Variants in LPCAT1 observed in about 807,000 individuals in gnomAD.
The protein encoded by LPCAT1 is lysophosphatidylcholine acyltransferase 1.
In LPCAT1, 23 loss-of-function variants were observed where a neutral mutation model predicts 60.9. The observed-to-expected ratio is 0.38, with a 90% CI of 0.27 to 0.53. The LOEUF (loss-of-function observed/expected upper bound fraction) is 0.53, where lower values mean the gene tolerates loss of function less well. Among genes scored for constraint, LPCAT1 ranks in the 20% least tolerant of loss-of-function variants. The probability of loss-of-function intolerance (pLI) is 0.82; values close to 1 mark genes in which losing one functional copy is unlikely to be tolerated. For synonymous variants in LPCAT1, 340 were observed against 301.1 expected (o/e 1.13, Z -1.34); for missense variants, 622 against 723.6 (o/e 0.86, Z 1.61).
rs1734990347 is a variant in LPCAT1 at position 1,477,968 on chromosome 5, C to A, written c.817-482G>T. ...TCTGGCTCTCTGATCTACACTCACC[C>A]CCGTCAGTGCTCCTAGGAGCTCCTG... On this transcript the variant is annotated intron_variant, in intron 8 of 13. Transcript: ENST00000283415. The surrounding 1 kb of genome is among the most constrained non-coding windows in gnomAD (Gnocchi z 6.0). 6.6e-6 allele frequency among the ~76,000 whole-genome samples: 1 copy of A among 152,094 alleles called. No individual in the cohort carries two copies. The highest frequency in any genetic ancestry group is 6.5e-5 in the Admixed American group (1 of 15,278).
Position 1,523,697 on chromosome 5 carries a change from C to T in LPCAT1, c.135+13G>A, listed in dbSNP as rs2126633522. 2 of 1,104,060 alleles carry T rather than the reference C, an allele frequency of 1.8e-6. No individual in the cohort carries two copies. Among genetic ancestry groups the T allele is most frequent in the East Asian group, 5.7e-5 (1 of 17,676 alleles). The allele number at this position is 1,104,060 out of a possible 1,614,324, so 68.4% of individuals were successfully genotyped here. The stretch of plus-strand genomic sequence containing the variant: ...CGCGCCGGCTCCCGGGGCCGCGCGC[C>T]CTGGGCACCCACCTGGGCCTTCTGC... On this transcript the variant is annotated intron_variant, in intron 1 of 13. Transcript: ENST00000283415. The surrounding 1 kb of genome is among the most constrained non-coding windows in gnomAD (Gnocchi z 7.1).
rs779218382 is a variant in LPCAT1 at position 1,494,887 on chromosome 5, G to T, written c.306C>A (p.Ile102=). 2.6e-5 allele frequency: 42 copies of T among 1,612,218 alleles called. No homozygotes were observed. Among genetic ancestry groups the T allele is most frequent in the Non-Finnish European group, 3.6e-5 (42 of 1,179,126 alleles). Residue 102 remains isoleucine (I), a synonymous_variant, in exon 3 of 14, where the codon ATC becomes ATA. Coordinates refer to ENST00000283415, the MANE Select transcript of LPCAT1 (RefSeq NM_024830.5). ...CGCCGGCGAACCACATGGTGCGCAT[G>T]ATGGCCTTCAGCAGGAAGTCCACAA... The part of the protein sequence containing the change: ...RKVVDFLLKA[I]MRTMWFAGGF...
rs911878463 is a variant in LPCAT1, at chr5:1,483,164, C to T, written c.726+264G>A. Among the ~76,000 whole-genome samples the T allele has an allele frequency of 1.3e-5, 2 of 152,134 alleles. No homozygotes were observed. Among genetic ancestry groups the T allele is most frequent in the Non-Finnish European group, 2.9e-5 (2 of 68,032 alleles). On this transcript the variant is annotated intron_variant, in intron 6 of 13. Coordinates refer to ENST00000283415, the MANE Select transcript of LPCAT1 (RefSeq NM_024830.5). The surrounding 1 kb of genome is among the most constrained non-coding windows in gnomAD (Gnocchi z 9.2). ...GAGCTATGGAAGCAGGGCTCTGGAA[C>T]ACTGGGGACCACTGTGGAATCATGG... is the stretch of plus-strand genomic sequence containing the variant.
intron 1 of LPCAT1, among the ~76,000 whole-genome samples, chr5:1,507,543 T>G (rs923339763): frequency 5.1e-4 from 78 of 152,346 alleles, no homozygotes; most frequent in African/African-American, 1.9e-3. Flanking sequence ...CAGCCGGGCT[T>G]GCTCCAGGTC....
rs746425868 is a variant in LPCAT1, at chr5:1,466,709, C to T, written c.1420+40G>A. On this transcript the variant is annotated intron_variant, in intron 13 of 13. Transcript: ENST00000283415. ...CGCCCCACACTCTGTCCAGCCCCCG[C>T]CCAAGGGTCGCGAGGACGACCCCAC... 5 of 1,588,384 alleles carry T rather than the reference C, an allele frequency of 3.1e-6. 1 individual carries two copies. The South Asian group carries it at 4.5e-5, about 14-fold the overall frequency.
chr5:1,474,413 T>A, intron 10 of LPCAT1, 147 bp downstream of exon 10: 1 of 1,181,704 alleles, frequency 8.5e-7, no homozygotes, highest in Non-Finnish European at 1.2e-6. Context: ...AAAGACACTA[T>A]GTGGGCTTAA....
At chr5:1,474,166 AC>A in intron 10 of LPCAT1, 56 bp from the exon 11 acceptor site, 1 of 1,550,342 alleles carries the variant, frequency 6.5e-7, no homozygotes, top group Non-Finnish European at 8.8e-7. Flanking sequence ...GCATGCTAAC[AC>A]CAGATTTACT....
chr5:1,465,782 T>C (rs939577022), intron 13 of LPCAT1, among the ~76,000 whole-genome samples: 1 of 136,160 alleles, frequency 7.3e-6, no homozygotes, highest in African/African-American at 2.8e-5. Flanking sequence ...ACGGTAAACA[T>C]GCACACTTTC....
rs1371432699 is a variant in LPCAT1 at position 1,480,334 on chromosome 5, T to C, written c.761+608A>G. 10 of 983,962 alleles carry C rather than the reference T, an allele frequency of 1.0e-5. No individual in the cohort carries two copies. The highest frequency in any genetic ancestry group is 1.2e-5 in the Non-Finnish European group (10 of 829,718). 61.0% of individuals were successfully genotyped at this position (983,962 alleles called of 1,614,324 possible). A position where few individuals can be genotyped will look rare whatever the true frequency, so the allele number is the denominator to read the frequency against. On this transcript the variant is annotated intron_variant, in intron 7 of 13. Transcript: ENST00000283415. This position sits in a 1 kb window ranked among gnomAD's most constrained non-coding sequence, Gnocchi z 6.4. ...ACCTGAAAGCACCAGCGGACCCACATCCTCCCAAACGCCTGGAATGGAGCT... is the reference window on the plus strand; with the variant it reads ...ACCTGAAAGCACCAGCGGACCCACACCCTCCCAAACGCCTGGAATGGAGCT...
intron 12 of LPCAT1, among the ~76,000 whole-genome samples, chr5:1,468,054 C>T (rs1256261449): frequency 1.3e-5 from 2 of 152,142 alleles, no homozygotes; most frequent in Non-Finnish European, 2.9e-5. Context: ...GCCTTCACCT[C>T]CACCGGCTCC....
intron 2 of LPCAT1, among the ~76,000 whole-genome samples, chr5:1,498,952 A>C (rs992846578): frequency 1.3e-5 from 2 of 152,136 alleles, no homozygotes; most frequent in Non-Finnish European, 2.9e-5. Flanking sequence ...CCCTCTCTGC[A>C]CACATACACA....
rs1034857131 is a variant in LPCAT1, at chr5:1,483,717, C to A, written c.668-231G>T. Among the ~76,000 whole-genome samples, 18 of 152,260 alleles carry A rather than the reference C, an allele frequency of 1.2e-4. No homozygotes were observed. Among genetic ancestry groups the A allele is most frequent in the African/African-American group, 3.9e-4 (16 of 41,480 alleles). Reference sequence around the variant, plus strand: ...CCAGGGGCGCTCCCCGGCCAAGGAACACTTTCTGTTTTAACATCGCGCACG... The same window carrying A: ...CCAGGGGCGCTCCCCGGCCAAGGAAAACTTTCTGTTTTAACATCGCGCACG... On this transcript the variant is annotated intron_variant, in intron 5 of 13. Transcript: ENST00000283415. This position sits in a 1 kb window ranked among gnomAD's most constrained non-coding sequence, Gnocchi z 9.2.
At chr5:1,509,178 C>T (rs1484204431) in intron 1 of LPCAT1, among the ~76,000 whole-genome samples, 3 of 152,258 alleles carry the variant, frequency 2.0e-5, no homozygotes, top group African/African-American at 7.2e-5. Flanking sequence ...TCGAAGGCCG[C>T]GAGGCCGCGT....
chr5:1,477,490 A>C lies in LPCAT1; in HGVS notation c.817-4T>G, dbSNP rs1560959706. On this transcript the variant is annotated splice_region_variant and splice_polypyrimidine_tract_variant and intron_variant, in intron 8 of 13. Transcript: ENST00000283415. The surrounding 1 kb of genome is among the most constrained non-coding windows in gnomAD (Gnocchi z 6.0). ...AAGGGCTGTACACAGGAAGGAACTGAGCACACAGAGAAGCTGCGTTAGTAT... is the reference window on the plus strand; with the variant it reads ...AAGGGCTGTACACAGGAAGGAACTGCGCACACAGAGAAGCTGCGTTAGTAT... The C allele has an allele frequency of 6.2e-7, 1 of 1,610,142 alleles. No homozygotes were observed. The highest frequency in any genetic ancestry group is 8.5e-7 in the Non-Finnish European group (1 of 1,177,232).
At chr5:1,485,771 C>A (rs189221980) in intron 5 of LPCAT1, among the ~76,000 whole-genome samples, 2 of 151,916 alleles carry the variant, frequency 1.3e-5, no homozygotes, top group African/African-American at 4.8e-5. Flanking sequence ...TGCAGGGAGG[C>A]CGGGGAGAGC....
At position 1,523,351 on chromosome 5, in the gene LPCAT1, G is replaced by A. The variant is rs1203126972; in HGVS notation, c.135+359C>T. 6.6e-6 allele frequency among the ~76,000 whole-genome samples: 1 copy of A among 151,876 alleles called. No homozygotes were observed. Among genetic ancestry groups the A allele is most frequent in the Non-Finnish European group, 1.5e-5 (1 of 67,922 alleles). ...GCGATGCGGGTCCAGCCTCCCGCGG[G>A]AGCCGAGGTCGGGGCTCTGGGAGGC... On this transcript the variant is annotated intron_variant, in intron 1 of 13. Transcript: ENST00000283415. This position sits in a 1 kb window ranked among gnomAD's most constrained non-coding sequence, Gnocchi z 7.1.
intron 5 of LPCAT1, among the ~76,000 whole-genome samples, chr5:1,485,680 C>T (rs911664871): frequency 2.0e-5 from 3 of 152,184 alleles, no homozygotes; most frequent in Admixed American, 6.5e-5. Context: ...CAGGGAGAGC[C>T]GTGTCCACAT....
intron 11 of LPCAT1, among the ~76,000 whole-genome samples, chr5:1,471,602 T>A (rs936640130): frequency 3.3e-5 from 5 of 149,302 alleles, no homozygotes; most frequent in African/African-American, 5.0e-5. Context: ...GGGGGAAGAC[T>A]CTCTGGTCAG....
rs779671695 is a variant in LPCAT1, at chr5:1,479,640, T to A, written c.797A>T (p.His266Leu). 3 of 1,612,300 alleles carry A rather than the reference T, an allele frequency of 1.9e-6. No homozygotes were observed. Residue 266 changes from histidine to leucine, a missense_variant, in exon 8 of 14, where the codon CAC (histidine) becomes CTC (leucine). Physicochemically the swap from His to Leu is moderately conservative, Grantham distance 99. This residue lies in a region of LPCAT1 where 209 missense variants were observed against 325.5 expected (regional missense o/e 0.64). Transcript: ENST00000283415. Reference protein sequence around the residue: ...EILWLTLCQFHNQVEIEFLPV... With the variant: ...EILWLTLCQFLNQVEIEFLPV... ...ACGAACCTCGATTTCCACTTGGTTG[T>A]GAAACTGACACAGCGTGAGCCACAG... is the stretch of plus-strand genomic sequence containing the variant.
Sources: allele counts gnomAD v4.1 joint callset (sites outside exome capture counted in the v4.1 genomes callset), GRCh38; gene constraint gnomAD v4.1.1; regional missense constraint gnomAD v4.1.1; non-coding constraint Gnocchi (gnomAD v3.1); transcripts MANE v1.5; gene names NCBI Gene and HGNC (gene_info 2026-07-23, HGNC 2026-07-21).